Variants in SH2D4B observed in about 807,000 individuals in gnomAD.
SH2D4B encodes the protein SH2 domain containing 4B.
Under a neutral mutation model 61.5 loss-of-function variants are expected in SH2D4B, and 45 were observed. The observed-to-expected ratio is 0.73, with a 90% confidence interval of 0.58 to 0.94. The LOEUF (loss-of-function observed/expected upper bound fraction) is 0.94. Among genes scored for constraint, SH2D4B ranks in the 40% least tolerant of loss-of-function variants. SH2D4B has a pLI of 0.00. For missense variants in SH2D4B, 572 were observed against 574.2 expected, an observed-to-expected ratio of 1.00 and a Z score of 0.04; for synonymous variants, 224 against 220.4, an observed-to-expected ratio of 1.02 and a Z score of -0.14.
At chr10:80,596,830 T>G (rs575952454) in intron 4 of SH2D4B, among the ~76,000 whole-genome samples, 1 of 152,214 alleles carries the variant, frequency 6.6e-6, no homozygotes, top group African/African-American at 2.4e-5. Flanking sequence ...TTCCCTGCAA[T>G]GCTTCCTCCT....
intron 1 of SH2D4B, among the ~76,000 whole-genome samples, chr10:80,547,291 G>A (rs994375818): frequency 3.3e-5 from 5 of 152,314 alleles, no homozygotes; most frequent in African/African-American, 9.6e-5. Context: ...GCTGCCTTGC[G>A]CCCCATCCCT....
intron 3 of SH2D4B, among the ~76,000 whole-genome samples, chr10:80,586,561 G>C (rs1350218450): frequency 3.3e-5 from 5 of 152,112 alleles, no homozygotes; most frequent in Non-Finnish European, 4.4e-5. Flanking sequence ...TGGTGGGGAC[G>C]TGGAGAACCT....
At position 80,644,223 on chromosome 10, in the gene SH2D4B, G is replaced by T. The variant is rs1260719901; in HGVS notation, c.*138G>T. The T allele has an allele frequency of 1.5e-6, 1 of 673,710 alleles. No homozygotes were observed. The highest frequency in any genetic ancestry group is 2.5e-6 in the Non-Finnish European group (1 of 392,218). 41.7% of individuals were successfully genotyped at this position (673,710 alleles called of 1,614,324 possible). ...AAAAGTAGATTAATATGCCTCAAGG[G>T]ATATGACATCTATGGCATAGGGCTA... On this transcript the variant is annotated 3_prime_UTR_variant, in exon 8 of 8. Coordinates refer to ENST00000646907, the MANE Select transcript of SH2D4B (RefSeq NM_001388272.1).
chr10:80,635,880 T>C (rs939172299), intron 7 of SH2D4B, among the ~76,000 whole-genome samples: 2 of 152,176 alleles, frequency 1.3e-5, no homozygotes, highest in African/African-American at 4.8e-5. Flanking sequence ...ACATGTGCCA[T>C]GTTAGTTTGC....
At chr10:80,608,919 G>A (rs959308412) in intron 5 of SH2D4B, among the ~76,000 whole-genome samples, 12 of 152,112 alleles carry the variant, frequency 7.9e-5, no homozygotes, top group African/African-American at 2.4e-4. Flanking sequence ...CTCAGAGGGC[G>A]GGGAGGGAGA....
rs1842025346 is a variant in SH2D4B, at chr10:80,570,300, G to A, written c.331G>A (p.Glu111Lys). ...GAGGGCGCGGCTGCAGGCACAGAGG[G>A]AAGCTGAGGAGCTCTGGTGAGGGGT... ...AERARLQAQR[E>K]AEELWRQKEA... is the part of the protein sequence containing the mutation. Residue 111 changes from glutamate to lysine, a missense_variant, in exon 2 of 8, where the codon GAA (glutamate) becomes AAA (lysine). Glu to Lys is a moderately conservative substitution (Grantham distance 56, BLOSUM62 1). Transcript: ENST00000646907. The A allele has an allele frequency of 6.2e-7, 1 of 1,613,152 alleles. No homozygotes were observed. The highest frequency in any genetic ancestry group is 8.5e-7 in the Non-Finnish European group (1 of 1,179,942).
chr10:80,572,962 A>G (rs1842069875), intron 3 of SH2D4B, among the ~76,000 whole-genome samples: 2 of 11,450 alleles, frequency 1.7e-4, no homozygotes, highest in African/African-American at 7.6e-4. Flanking sequence ...ATATATATAT[A>G]TATATATATA....
At chr10:80,609,122 G>GT (rs139354979) in intron 5 of SH2D4B, among the ~76,000 whole-genome samples, 1 of 152,174 alleles carries the variant, frequency 6.6e-6, no homozygotes, top group Non-Finnish European at 1.5e-5. Flanking sequence ...CTGTGTGGCT[G>GT]TTTTTTGAAG....
At chr10:80,549,269 G>A (rs1046869329) in intron 1 of SH2D4B, among the ~76,000 whole-genome samples, 10 of 151,614 alleles carry the variant, frequency 6.6e-5, no homozygotes, top group African/African-American at 1.5e-4. Flanking sequence ...TTCTGCTGGC[G>A]TTTGGGGCAT....
Position 80,637,733 on chromosome 10 carries a change from A to G in SH2D4B, c.1209+3228A>G, listed in dbSNP as rs1272422127. 2.0e-5 allele frequency among the ~76,000 whole-genome samples: 3 copies of G among 152,254 alleles called. No homozygotes were observed. In the East Asian group the frequency reaches 5.8e-4, roughly 29 times the overall value. On this transcript the variant is annotated intron_variant, in intron 7 of 7. Coordinates refer to ENST00000646907, the MANE Select transcript of SH2D4B (RefSeq NM_001388272.1). ...ATATACAGTCATGTCATCTGCAAACAGGAACAATTTGACTTCCTCTTTTCC... is the reference window on the plus strand; with the variant it reads ...ATATACAGTCATGTCATCTGCAAACGGGAACAATTTGACTTCCTCTTTTCC...
chr10:80,592,529 A>C (rs557211383), intron 4 of SH2D4B, among the ~76,000 whole-genome samples: 1 of 152,034 alleles, frequency 6.6e-6, no homozygotes, highest in East Asian at 1.9e-4. Flanking sequence ...TAGGTCTTTG[A>C]TCCATTTTGA....
At chr10:80,636,215 G>A (rs1840162667) in intron 7 of SH2D4B, among the ~76,000 whole-genome samples, 1 of 152,166 alleles carries the variant, frequency 6.6e-6, no homozygotes, top group Admixed American at 6.5e-5. Context: ...CATTCTGGTT[G>A]GTTCCAAGTC....
At chr10:80,540,841 G>A in intron 1 of SH2D4B, 1 of 1,551,110 alleles carries the variant, frequency 6.4e-7, no homozygotes, top group Non-Finnish European at 8.7e-7. Flanking sequence ...CCGTGTCCCA[G>A]GGCGGGAATT....
chr10:80,627,747 C>T (rs924682452), intron 6 of SH2D4B, among the ~76,000 whole-genome samples: 19 of 151,422 alleles, frequency 1.3e-4, no homozygotes, highest in African/African-American at 3.9e-4. Flanking sequence ...GTTTGGGGCC[C>T]GGCTTCTAGA....
chr10:80,621,278 C>T (rs950284381), intron 6 of SH2D4B, among the ~76,000 whole-genome samples: 8 of 152,190 alleles, frequency 5.3e-5, no homozygotes, highest in African/African-American at 1.2e-4. Context: ...GCAGCCCCGC[C>T]GGACAGGCAA....
intron 6 of SH2D4B, among the ~76,000 whole-genome samples, chr10:80,620,977 C>T (rs1842713160): frequency 6.6e-6 from 1 of 152,192 alleles, no homozygotes; most frequent in South Asian, 2.1e-4. Flanking sequence ...CTTATGTTTG[C>T]AAAATTTTGA....
At chr10:80,550,260 C>T (rs1377424249) in intron 1 of SH2D4B, among the ~76,000 whole-genome samples, 1 of 152,158 alleles carries the variant, frequency 6.6e-6, no homozygotes, top group Non-Finnish European at 1.5e-5. Context: ...GGAAGATGCA[C>T]CCCTATGCAT....
At chr10:80,636,630 A>G (rs903602098) in intron 7 of SH2D4B, among the ~76,000 whole-genome samples, 6 of 151,878 alleles carry the variant, frequency 4.0e-5, no homozygotes, top group African/African-American at 1.5e-4. Context: ...CCTTTGCCCA[A>G]TTTTTGATGG....
intron 4 of SH2D4B, among the ~76,000 whole-genome samples, chr10:80,597,733 G>A (rs555369405): frequency 1.4e-3 from 220 of 152,150 alleles, no homozygotes; most frequent in Non-Finnish European, 6.8e-4. Context: ...TTTCAGAAGG[G>A]AGAGCATTTG....
Sources: gnomAD v4.1 joint callset for allele counts (sites outside exome capture counted in the v4.1 genomes callset) on GRCh38, gnomAD v4.1.1 for gene constraint, MANE v1.5 for transcripts, NCBI Gene and HGNC (gene_info 2026-07-23, HGNC 2026-07-21) for gene names.